HDAC4: variants seen among roughly 807,000 people sequenced by gnomAD.
The protein encoded by HDAC4 is histone deacetylase A.
HDAC4 carries 16 observed loss-of-function variants against 135.1 expected under a neutral mutation model. The ratio of observed to expected loss-of-function variants is 0.12; its 90% CI spans 0.08 to 0.18. HDAC4 has a LOEUF of 0.18. Ranked by LOEUF, HDAC4 falls within the 10% of genes least tolerant of loss-of-function variation. The pLI is 1.00. For missense variants in HDAC4, 1,143 were observed against 1,511.8 expected, an observed-to-expected ratio of 0.76 and a Z score of 4.05; for synonymous variants, 685 against 653.4, an observed-to-expected ratio of 1.05 and a Z score of -0.74.
rs1209252764 is a variant in HDAC4 at position 239,331,861 on chromosome 2, G to C, written c.22+20817C>G. Among the ~76,000 whole-genome samples, 2 of 152,074 alleles carry C rather than the reference G, an allele frequency of 1.3e-5. No individual in the cohort carries two copies. The highest frequency in any genetic ancestry group is 6.5e-5 in the Admixed American group (1 of 15,272). ...GGAGCGGAGCAGCACCGGACGGCTC[G>C]GACCCTGGGAAACGAACGCCAGACT... On this transcript the variant is annotated intron_variant, in intron 2 of 26. Transcript: ENST00000543185. The surrounding 1 kb of genome is among the most constrained non-coding windows in gnomAD (Gnocchi z 4.5).
At chr2:239,212,283 C>T (rs1279127337) in intron 3 of HDAC4, among the ~76,000 whole-genome samples, 2 of 152,142 alleles carry the variant, frequency 1.3e-5, no homozygotes, top group South Asian at 2.1e-4. Context: ...CTGAGCTGGG[C>T]GGGCAGGGGG....
intron 11 of HDAC4, among the ~76,000 whole-genome samples, chr2:239,131,344 A>G (rs1228425476): frequency 6.7e-6 from 1 of 150,264 alleles, no homozygotes; most frequent in Non-Finnish European, 1.5e-5. Flanking sequence ...CCTATGCACC[A>G]CGATTACCAG....
At chr2:239,284,042 C>T (rs1156947748) in intron 2 of HDAC4, among the ~76,000 whole-genome samples, 2 of 152,218 alleles carry the variant, frequency 1.3e-5, no homozygotes, top group Non-Finnish European at 2.9e-5. Context: ...CGCTTCTGCA[C>T]CCCAGGGCCT....
chr2:239,300,383 C>T (rs146329599), intron 2 of HDAC4, among the ~76,000 whole-genome samples: 19 of 152,298 alleles, frequency 1.2e-4, no homozygotes, highest in African/African-American at 4.3e-4. Flanking sequence ...TCCAGTTCCT[C>T]GGCCACACCA....
intron 5 of HDAC4, among the ~76,000 whole-genome samples, chr2:239,170,790 T>G (rs1031946889): frequency 7.2e-5 from 11 of 152,118 alleles, no homozygotes; most frequent in African/African-American, 2.4e-4. Flanking sequence ...GACCCCACCC[T>G]CGGGTAGCCT....
At chr2:239,301,988 A>G (rs1466506575) in intron 2 of HDAC4, among the ~76,000 whole-genome samples, 1 of 152,150 alleles carries the variant, frequency 6.6e-6, no homozygotes, top group Admixed American at 6.5e-5. Context: ...ACACAACAAC[A>G]ACAAAAAAAA....
At chr2:239,054,525 ATGGAACCAT>A (rs771831768) in intron 25 of HDAC4, among the ~76,000 whole-genome samples, 4 of 152,166 alleles carry the variant, frequency 2.6e-5, no homozygotes, top group Non-Finnish European at 5.9e-5. Context: ...AATTGGGCTG[ATGGAACCAT>A]CCCAGCAGGC....
At chr2:239,220,851 G>A (rs1192860875) in intron 3 of HDAC4, among the ~76,000 whole-genome samples, 3 of 152,182 alleles carry the variant, frequency 2.0e-5, no homozygotes, top group Admixed American at 2.0e-4. Context: ...TAGATTCACA[G>A]GAAGTTGCCA....
chr2:239,197,606 G>T (rs2153064337), intron 3 of HDAC4, among the ~76,000 whole-genome samples: 1 of 152,158 alleles, frequency 6.6e-6, no homozygotes, highest in East Asian at 1.9e-4. Flanking sequence ...CATCCTCCCT[G>T]TTTTCCTTGT....
At chr2:239,081,028 C>A in intron 22 of HDAC4, 67 bp downstream of exon 22, 1 of 1,246,406 alleles carries the variant, frequency 8.0e-7, no homozygotes, top group South Asian at 1.3e-5. Context: ...CCAACAAGTG[C>A]TTCCTGGAAT....
At chr2:239,089,524 G>A (rs1267894215) in intron 18 of HDAC4, among the ~76,000 whole-genome samples, 6 of 152,060 alleles carry the variant, frequency 3.9e-5, no homozygotes, top group African/African-American at 7.2e-5. Context: ...AAGGAGTTTC[G>A]CCAAGTTAGC....
At chr2:239,099,643 G>A (rs1037485267) in intron 16 of HDAC4, among the ~76,000 whole-genome samples, 1 of 152,160 alleles carries the variant, frequency 6.6e-6, no homozygotes, top group South Asian at 2.1e-4. Context: ...CCTCTCTGCC[G>A]CCCTTGCCCT....
At chr2:239,227,433 T>G (rs1403784593) in intron 3 of HDAC4, among the ~76,000 whole-genome samples, 1 of 152,096 alleles carries the variant, frequency 6.6e-6, no homozygotes, top group Non-Finnish European at 1.5e-5. Flanking sequence ...CCATGCCAAG[T>G]GGGACCGGGC....
At chr2:239,292,677 A>G (rs1026505177) in intron 2 of HDAC4, among the ~76,000 whole-genome samples, 10 of 152,108 alleles carry the variant, frequency 6.6e-5, no homozygotes, top group African/African-American at 2.4e-4. Flanking sequence ...GTCATGAACT[A>G]GCAGACTAAG....
At chr2:239,090,753 C>T (rs1352068222) in intron 17 of HDAC4, among the ~76,000 whole-genome samples, 1 of 152,104 alleles carries the variant, frequency 6.6e-6, no homozygotes, top group African/African-American at 2.4e-5. Context: ...GGATGCTGAA[C>T]TGGTAAGTAC....
At chr2:239,228,861 G>A (rs1055818689) in intron 3 of HDAC4, among the ~76,000 whole-genome samples, 1 of 152,142 alleles carries the variant, frequency 6.6e-6, no homozygotes, top group Non-Finnish European at 1.5e-5. Flanking sequence ...AGTAACAAGG[G>A]CTGGGCACAG....
intron 2 of HDAC4, among the ~76,000 whole-genome samples, chr2:239,327,928 C>T (rs1433536277): frequency 2.0e-5 from 3 of 152,232 alleles, no homozygotes; most frequent in African/African-American, 4.8e-5. Context: ...GCATACACAC[C>T]ATCCAGGGGC....
chr2:239,293,707 C>G (rs1051787145), intron 2 of HDAC4, among the ~76,000 whole-genome samples: 3 of 152,338 alleles, frequency 2.0e-5, no homozygotes, highest in Admixed American at 2.0e-4. Context: ...GCGCTTCTAG[C>G]TGCTGTGCCT....
intron 17 of HDAC4, chr2:239,094,584 G>A: frequency 1.5e-5 from 17 of 1,121,472 alleles, no homozygotes; most frequent in Non-Finnish European, 1.9e-5. Context: ...CGTGGCCCAT[G>A]AGTATCACGG....
Sources: allele counts gnomAD v4.1 joint callset (sites outside exome capture counted in the v4.1 genomes callset), GRCh38; gene constraint gnomAD v4.1.1; non-coding constraint Gnocchi (gnomAD v3.1); transcripts MANE v1.5; gene names NCBI Gene and HGNC (gene_info 2026-07-23, HGNC 2026-07-21).